Variants in FAM135B observed in about 807,000 individuals in gnomAD.
FAM135B encodes the protein family with sequence similarity 135 member B.
In FAM135B, 43 loss-of-function variants were observed where a neutral mutation model predicts 127.7. That is an observed-to-expected ratio of 0.34 (90% CI 0.26 to 0.43). The LOEUF (loss-of-function observed/expected upper bound fraction) is 0.43. Ranked by LOEUF, FAM135B falls within the 20% of genes least tolerant of loss-of-function variation. The pLI is 1.00. For synonymous variants in FAM135B, 670 were observed against 665.1 expected, an observed-to-expected ratio of 1.01 and a Z score of -0.11; for missense variants, 1,558 against 1,725.6, an observed-to-expected ratio of 0.90 and a Z score of 1.72.
At chr8:138,289,756 CCATCCCAAT>C (rs1362802375) in intron 3 of FAM135B, among the ~76,000 whole-genome samples, 1 of 152,200 alleles carries the variant, frequency 6.6e-6, no homozygotes, top group African/African-American at 2.4e-5. Flanking sequence ...ATGTTCCTGT[CCATCCCAAT>C]CATCCCAATC....
intron 3 of FAM135B, among the ~76,000 whole-genome samples, chr8:138,290,483 T>C (rs533315668): frequency 6.6e-6 from 1 of 152,304 alleles, no homozygotes; most frequent in Admixed American, 6.5e-5. Flanking sequence ...TGTTAGGGTA[T>C]GTGTGTATGT....
intron 2 of FAM135B, among the ~76,000 whole-genome samples, chr8:138,338,624 G>C (rs912877927): frequency 3.3e-5 from 5 of 150,940 alleles, no homozygotes; most frequent in African/African-American, 1.2e-4. Context: ...GTGCTGGAGA[G>C]GATGTGGAGA....
At chr8:138,377,336 T>G (rs903560605) in intron 1 of FAM135B, among the ~76,000 whole-genome samples, 1 of 152,210 alleles carries the variant, frequency 6.6e-6, no homozygotes, top group Admixed American at 6.5e-5. Flanking sequence ...ATTGTGAGAA[T>G]AGAGAAGGGA....
chr8:138,444,945 C>A (rs956682541), intron 1 of FAM135B, among the ~76,000 whole-genome samples: 61 of 151,436 alleles, frequency 4.0e-4, no homozygotes, highest in Middle Eastern at 3.4e-3. Flanking sequence ...AATCAAATAG[C>A]CGCAATAAAA....
intron 7 of FAM135B, among the ~76,000 whole-genome samples, chr8:138,240,341 T>C (rs566973628): frequency 6.6e-6 from 1 of 152,262 alleles, no homozygotes; most frequent in South Asian, 2.1e-4. Context: ...AAATGGTCTA[T>C]CATGTGTGCC....
At chr8:138,375,684 T>C (rs1235078641) in intron 1 of FAM135B, among the ~76,000 whole-genome samples, 1 of 152,200 alleles carries the variant, frequency 6.6e-6, no homozygotes, top group East Asian at 1.9e-4. Flanking sequence ...CTCATCATCA[T>C]ATTTCACTGA....
chr8:138,364,719 T>C (rs1309726227), intron 2 of FAM135B, among the ~76,000 whole-genome samples: 1 of 152,200 alleles, frequency 6.6e-6, no homozygotes, highest in Non-Finnish European at 1.5e-5. Context: ...TTATAAATAC[T>C]ATACATGTAC....
chr8:138,267,965 C>T (rs1205771582), intron 3 of FAM135B, among the ~76,000 whole-genome samples: 2 of 152,212 alleles, frequency 1.3e-5, no homozygotes, highest in Non-Finnish European at 2.9e-5. Flanking sequence ...CTAGGCCCCA[C>T]TGATCTATAA....
chr8:138,331,311 T>C (rs1419356935), intron 2 of FAM135B, among the ~76,000 whole-genome samples: 1 of 152,228 alleles, frequency 6.6e-6, no homozygotes, highest in Non-Finnish European at 1.5e-5. Flanking sequence ...TCAAAGGTCT[T>C]CGCAGCATTT....
At chr8:138,203,407 CT>C (rs2129644716) in intron 7 of FAM135B, among the ~76,000 whole-genome samples, 1 of 152,326 alleles carries the variant, frequency 6.6e-6, no homozygotes, top group African/African-American at 2.4e-5. Flanking sequence ...CTTTGAGCAC[CT>C]GTCAGAACGT....
intron 3 of FAM135B, among the ~76,000 whole-genome samples, chr8:138,292,953 A>G (rs1825221360): frequency 6.6e-6 from 1 of 152,154 alleles, no homozygotes; most frequent in South Asian, 2.1e-4. Flanking sequence ...AAGCTATCCT[A>G]AGCATGAAGA....
At chr8:138,433,315 A>C (rs1835293634) in intron 1 of FAM135B, among the ~76,000 whole-genome samples, 1 of 152,030 alleles carries the variant, frequency 6.6e-6, no homozygotes, top group South Asian at 2.1e-4. Flanking sequence ...TGAGGTCAGG[A>C]GTTCAAGACC....
rs75544864 is a variant in FAM135B, at chr8:138,284,058, T to G, written c.158-18216A>C. ...ATCTCTGGACCTTCCCCTCAATTTT[T>G]CAGTCAATATAAACTGCTCTAAAAA... On this transcript the variant is annotated intron_variant, in intron 3 of 19. Coordinates refer to ENST00000395297, the MANE Select transcript of FAM135B (RefSeq NM_015912.4). Among the ~76,000 whole-genome samples the G allele has an allele frequency of 4.3e-3, 662 of 152,218 alleles. 8 individuals carry two copies. The highest frequency in any genetic ancestry group is 0.015 in the African/African-American group (616 of 41,506).
chr8:138,339,902 G>C (rs1249134200), intron 2 of FAM135B, among the ~76,000 whole-genome samples: 1 of 152,136 alleles, frequency 6.6e-6, no homozygotes, highest in African/African-American at 2.4e-5. Flanking sequence ...GAGTGGAAGC[G>C]TGGGGGCTGT....
intron 1 of FAM135B, among the ~76,000 whole-genome samples, chr8:138,420,251 A>C (rs2131449870): frequency 6.6e-6 from 1 of 152,262 alleles, no homozygotes; most frequent in Non-Finnish European, 1.5e-5. Flanking sequence ...AAAACCTACA[A>C]GAAATTGATA....
At chr8:138,240,315 A>G (rs547237310) in intron 7 of FAM135B, among the ~76,000 whole-genome samples, 119 of 152,302 alleles carry the variant, frequency 7.8e-4, no homozygotes, top group African/African-American at 2.7e-3. Context: ...CATTTGTAAC[A>G]GAGTCTGGTG....
intron 1 of FAM135B, among the ~76,000 whole-genome samples, chr8:138,393,702 GC>G (rs902567933): frequency 6.6e-6 from 1 of 152,166 alleles, no homozygotes; most frequent in African/African-American, 2.4e-5. Flanking sequence ...CCCTCACGGA[GC>G]CCATGCTTAG....
rs1830862670 is a variant in FAM135B at position 138,367,999 on chromosome 8, T to C, written c.-16A>G. 3 of 1,609,552 alleles carry C rather than the reference T, an allele frequency of 1.9e-6. No homozygotes were observed. The highest frequency in any genetic ancestry group is 1.3e-5 in the African/African-American group (1 of 74,790). On this transcript the variant is annotated 5_prime_UTR_variant, in exon 2 of 20. The change abolishes an upstream ATG in the 5' untranslated region. Transcript: ENST00000395297. ...TTTCAGACATGATCTTTTTGGCTCA[T>C]TACCTGAAAAACAAGAGAGAAATTA...
At chr8:138,246,096 A>G (rs62532055) in intron 6 of FAM135B, among the ~76,000 whole-genome samples, 12,501 of 152,216 alleles carry the variant, frequency 0.082, 852 homozygotes, top group East Asian at 0.33. Flanking sequence ...GGTGGAAGAA[A>G]TTTCTAAGCA....
Sources: allele counts gnomAD v4.1 joint callset (sites outside exome capture counted in the v4.1 genomes callset), GRCh38; gene constraint gnomAD v4.1.1; transcripts MANE v1.5; gene names NCBI Gene and HGNC (gene_info 2026-07-23, HGNC 2026-07-21).